Variants in SSBP2 observed in about 807,000 individuals in gnomAD.
SSBP2 encodes the protein single stranded DNA binding protein 2.
In SSBP2, 17 loss-of-function variants were observed where a neutral mutation model predicts 61.8. That is an observed-to-expected ratio of 0.28 (90% CI 0.19 to 0.41). SSBP2 has a LOEUF of 0.41. SSBP2 is among the 10% of genes least tolerant of loss of function. SSBP2 has a pLI of 1.00. For missense variants in SSBP2, 310 were observed against 458.7 expected (o/e 0.68, Z 2.96); for synonymous variants, 139 against 141.3 (o/e 0.98, Z 0.12).
rs554420202 is a variant in SSBP2 at position 81,657,927 on chromosome 5, T to C, written c.63-7588A>G. 2.0e-5 allele frequency among the ~76,000 whole-genome samples: 3 copies of C among 152,286 alleles called. No homozygotes were observed. The South Asian group carries it at 6.2e-4, about 32-fold the overall frequency. ...TTTTAATTGATAAATAAAAATTGTATAAAATTTTGTCATATAAATATTCAT... is the reference window on the plus strand; with the variant it reads ...TTTTAATTGATAAATAAAAATTGTACAAAATTTTGTCATATAAATATTCAT... On this transcript the variant is annotated intron_variant, in intron 1 of 16. Coordinates refer to ENST00000320672, the MANE Select transcript of SSBP2 (RefSeq NM_012446.5).
chr5:81,424,527 T>C (rs943739280), intron 16 of SSBP2, among the ~76,000 whole-genome samples: 6 of 152,174 alleles, frequency 3.9e-5, no homozygotes, highest in African/African-American at 1.4e-4. Flanking sequence ...TGTAAGATGG[T>C]ATGCTAAATA....
intron 4 of SSBP2, among the ~76,000 whole-genome samples, chr5:81,579,958 TATCTTA>T (rs1400127709): frequency 5.3e-5 from 8 of 152,302 alleles, no homozygotes; most frequent in East Asian, 3.9e-4. Context: ...AGAGATGCTT[TATCTTA>T]ATTTCTGATT....
At chr5:81,692,540 A>G (rs996119114) in intron 1 of SSBP2, among the ~76,000 whole-genome samples, 6 of 152,190 alleles carry the variant, frequency 3.9e-5, no homozygotes, top group African/African-American at 1.4e-4. Context: ...AAAGATTCAG[A>G]ATAGGCAAAG....
At chr5:81,453,940 A>C (rs192898765) in intron 10 of SSBP2, among the ~76,000 whole-genome samples, 1 of 152,380 alleles carries the variant, frequency 6.6e-6, no homozygotes, top group Admixed American at 6.5e-5. Flanking sequence ...ATGAGGATAG[A>C]AAGTAAGTCA....
intron 7 of SSBP2, among the ~76,000 whole-genome samples, chr5:81,473,979 A>C (rs1288544954): frequency 3.3e-5 from 5 of 152,044 alleles, no homozygotes; most frequent in African/African-American, 1.2e-4. Flanking sequence ...TTTTCTCCCT[A>C]TTCTGTGGTG....
At chr5:81,591,156 C>G (rs1008717279) in intron 4 of SSBP2, among the ~76,000 whole-genome samples, 3 of 152,204 alleles carry the variant, frequency 2.0e-5, no homozygotes, top group Non-Finnish European at 1.5e-5. Context: ...AACCCTCTAG[C>G]AAACCAGCCT....
intron 1 of SSBP2, among the ~76,000 whole-genome samples, chr5:81,740,604 GA>G (rs1756950478): frequency 6.6e-6 from 1 of 152,110 alleles, no homozygotes; most frequent in South Asian, 2.1e-4. Flanking sequence ...ACGCTGCTTG[GA>G]AGAGACAACA....
At chr5:81,621,740 A>C (rs1427506370) in intron 3 of SSBP2, among the ~76,000 whole-genome samples, 1 of 69,320 alleles carries the variant, frequency 1.4e-5, no homozygotes, top group Non-Finnish European at 2.7e-5. Flanking sequence ...GATTAAGAAA[A>C]TGTGGCACAT....
chr5:81,581,600 T>C (rs1278391802), intron 4 of SSBP2, among the ~76,000 whole-genome samples: 1 of 152,230 alleles, frequency 6.6e-6, no homozygotes, highest in African/African-American at 2.4e-5. Flanking sequence ...CTATCAGTTG[T>C]AGCTCCTTAT....
intron 5 of SSBP2, among the ~76,000 whole-genome samples, chr5:81,509,076 TG>T (rs1768397316): frequency 6.6e-6 from 1 of 152,144 alleles, no homozygotes; most frequent in Non-Finnish European, 1.5e-5. Flanking sequence ...CAGGAGAGGC[TG>T]GAAAAACTAT....
intron 2 of SSBP2, among the ~76,000 whole-genome samples, chr5:81,640,384 G>A (rs1016156091): frequency 3.7e-4 from 56 of 152,152 alleles, no homozygotes; most frequent in African/African-American, 1.3e-3. Flanking sequence ...TAGCCATTTT[G>A]AGGTGCTAAA....
intron 4 of SSBP2, among the ~76,000 whole-genome samples, chr5:81,519,351 C>T (rs1266736837): frequency 2.0e-5 from 3 of 151,946 alleles, no homozygotes; most frequent in Admixed American, 6.6e-5. Flanking sequence ...TAGTTTTATC[C>T]ATATATACAC....
intron 1 of SSBP2, among the ~76,000 whole-genome samples, chr5:81,719,617 G>T (rs1277192843): frequency 6.6e-6 from 1 of 152,118 alleles, no homozygotes; most frequent in East Asian, 1.9e-4. Context: ...TAAAATGACA[G>T]GCACAGAGAC....
At chr5:81,635,702 G>A (rs1748156908) in intron 3 of SSBP2, among the ~76,000 whole-genome samples, 1 of 151,242 alleles carries the variant, frequency 6.6e-6, no homozygotes, top group Non-Finnish European at 1.5e-5. Context: ...TCCTGCCTTA[G>A]CCTCCTGGGT....
At chr5:81,562,171 G>C (rs1561542231) in intron 4 of SSBP2, among the ~76,000 whole-genome samples, 1 of 152,062 alleles carries the variant, frequency 6.6e-6, no homozygotes, top group African/African-American at 2.4e-5. Context: ...CTCCCAAAGT[G>C]CTGGGATTAC....
chr5:81,656,255 T>C (rs779145647), intron 1 of SSBP2, among the ~76,000 whole-genome samples: 1 of 152,098 alleles, frequency 6.6e-6, no homozygotes, highest in Non-Finnish European at 1.5e-5. Flanking sequence ...TTTCACCATG[T>C]TGGCCAGGAT....
intron 10 of SSBP2, among the ~76,000 whole-genome samples, chr5:81,459,113 G>A (rs545176360): frequency 1.3e-5 from 2 of 152,166 alleles, no homozygotes; most frequent in Non-Finnish European, 2.9e-5. Flanking sequence ...GATGTGTACA[G>A]CTTTTACCCT....
At position 81,513,788 on chromosome 5, in the gene SSBP2, T is replaced by C. The variant is rs968395402; in HGVS notation, c.283-71A>G. On this transcript the variant is annotated intron_variant, in intron 4 of 16. Transcript: ENST00000320672. ...GCACAAAACCAAAGACTAATGATAA[T>C]AGATTGCAGGACGGGATGCTCTTTC... is the stretch of plus-strand genomic sequence containing the variant. 5.3e-5 allele frequency: 51 copies of C among 955,366 alleles called. No homozygotes were observed. In the African/African-American group the frequency reaches 6.4e-4, roughly 12 times the overall value. The allele number at this position is 955,366 out of a possible 1,614,324, so 59.2% of individuals were successfully genotyped here. A position where few individuals can be genotyped will look rare whatever the true frequency, so the allele number is the denominator to read the frequency against.
chr5:81,513,167 A>G (rs1580883273), intron 5 of SSBP2, among the ~76,000 whole-genome samples: 1 of 152,192 alleles, frequency 6.6e-6, no homozygotes, highest in South Asian at 2.1e-4. Context: ...CCAGCTTAAA[A>G]GCCCCAAAGA....
Sources: gnomAD v4.1 joint callset for allele counts (sites outside exome capture counted in the v4.1 genomes callset) on GRCh38, gnomAD v4.1.1 for gene constraint, MANE v1.5 for transcripts, NCBI Gene and HGNC (gene_info 2026-07-23, HGNC 2026-07-21) for gene names.